The following NDST4 variants were observed in gnomAD, a reference collection of about 807,000 sequenced individuals.
NDST4 encodes N-heparan sulfate sulfotransferase 4.
In NDST4, 63 loss-of-function variants were observed where a neutral mutation model predicts 100.8. The ratio of observed to expected loss-of-function variants is 0.62; its 90% CI spans 0.51 to 0.77. NDST4 has a LOEUF of 0.77. NDST4 is among the 30% of genes least tolerant of loss of function. The probability of loss-of-function intolerance (pLI) is 0.00; values close to 1 mark genes in which losing one functional copy is unlikely to be tolerated. For missense variants in NDST4, 943 were observed against 1,018.4 expected (o/e 0.93, Z 1.01); for synonymous variants, 377 against 361.8 (o/e 1.04, Z -0.48).
intron 2 of NDST4, among the ~76,000 whole-genome samples, chr4:115,000,148 T>C (rs1227804525): frequency 6.6e-6 from 1 of 151,542 alleles, no homozygotes; most frequent in African/African-American, 2.4e-5. Flanking sequence ...GTATATTTTC[T>C]CAACTCAATT....
At chr4:115,093,386 A>G (rs1202762775) in intron 1 of NDST4, among the ~76,000 whole-genome samples, 3 of 151,974 alleles carry the variant, frequency 2.0e-5, no homozygotes, top group Non-Finnish European at 4.4e-5. Context: ...GAGGCAGGAG[A>G]ATGGCGTGAA....
Position 115,049,565 on chromosome 4 carries a change from G to A in NDST4, c.978+26494C>T, listed in dbSNP as rs1040902806. ...CTTTAAATTGAACTAATATGTAATT[G>A]TTTGTTTTCTCTAATATATTTCAGC... On this transcript the variant is annotated intron_variant, in intron 2 of 13. Transcript: ENST00000264363. Among the ~76,000 whole-genome samples the A allele has an allele frequency of 2.1e-4, 32 of 152,118 alleles. 2 individuals are homozygous for A. The highest frequency in any genetic ancestry group is 2.9e-5 in the Non-Finnish European group (2 of 68,010).
intron 10 of NDST4, among the ~76,000 whole-genome samples, chr4:114,844,016 C>CT (rs1475779549): frequency 2.8e-5 from 3 of 107,976 alleles, no homozygotes; most frequent in Non-Finnish European, 5.2e-5. Flanking sequence ...TGCAGCGATT[C>CT]TTTTTTCATG....
chr4:115,077,227 G>A lies in NDST4; in HGVS notation c.-191C>T, dbSNP rs1319293458. The stretch of plus-strand genomic sequence containing the variant: ...AATAGATGGGAAGGATATACGTTGA[G>A]GAGATTTTGAATATGTCCAATACTG... On this transcript the variant is annotated 5_prime_UTR_variant, in exon 2 of 14. Transcript: ENST00000264363. The A allele has an allele frequency of 1.9e-6, 1 of 534,416 alleles. No individual in the cohort carries two copies. The highest frequency in any genetic ancestry group is 3.2e-5 in the East Asian group (1 of 30,914). 33.1% of individuals were successfully genotyped at this position (534,416 alleles called of 1,614,324 possible).
chr4:114,887,667 G>A (rs926948836), intron 6 of NDST4, among the ~76,000 whole-genome samples: 8 of 152,072 alleles, frequency 5.3e-5, no homozygotes, highest in African/African-American at 1.9e-4. Context: ...AAGTAATTTG[G>A]CATTTAAAAT....
intron 6 of NDST4, among the ~76,000 whole-genome samples, chr4:114,931,904 A>G (rs1170319022): frequency 6.6e-6 from 1 of 151,802 alleles, no homozygotes; most frequent in Admixed American, 6.6e-5. Context: ...GATGTATTTT[A>G]TAAAAAAAAA....
At chr4:115,000,962 G>T (rs1192185962) in intron 2 of NDST4, among the ~76,000 whole-genome samples, 1 of 152,088 alleles carries the variant, frequency 6.6e-6, no homozygotes, top group Admixed American at 6.6e-5. Flanking sequence ...ATGGTGGAAA[G>T]GATGCATGAA....
At chr4:115,080,274 T>C (rs1027594422) in intron 1 of NDST4, among the ~76,000 whole-genome samples, 1 of 152,112 alleles carries the variant, frequency 6.6e-6, no homozygotes, top group Non-Finnish European at 1.5e-5. Context: ...GTAGCTGGGA[T>C]TACAGGCACA....
intron 2 of NDST4, 125 bp downstream of exon 2, chr4:115,075,934 G>T (rs1477698236): frequency 8.0e-6 from 9 of 1,130,624 alleles, no homozygotes; most frequent in Non-Finnish European, 1.1e-5. Flanking sequence ...TTTCTAAATG[G>T]CTATCTTATT....
intron 6 of NDST4, among the ~76,000 whole-genome samples, chr4:114,918,855 G>C (rs1257559350): frequency 1.3e-5 from 2 of 152,170 alleles, no homozygotes; most frequent in African/African-American, 4.8e-5. Context: ...TCCTTGGAAA[G>C]CACAATTTCA....
chr4:115,113,468 T>C lies in NDST4; in HGVS notation c.-271A>G, dbSNP rs1279619981. 2.0e-5 allele frequency: 3 copies of C among 152,006 alleles called. No homozygotes were observed. Among genetic ancestry groups the C allele is most frequent in the Admixed American group, 2.0e-4 (3 of 15,226 alleles). 9.4% of individuals were successfully genotyped at this position (152,006 alleles called of 1,614,324 possible). ...CCTAGAGAAGCATTTCAATATTTTGTCTTTTTCTAACTTGAATTTATCCCG... is the reference window on the plus strand; with the variant it reads ...CCTAGAGAAGCATTTCAATATTTTGCCTTTTTCTAACTTGAATTTATCCCG... On this transcript the variant is annotated 5_prime_UTR_variant, in exon 1 of 14. Transcript: ENST00000264363.
At position 114,873,417 on chromosome 4, in the gene NDST4, T is replaced by A. The variant is rs545704527; in HGVS notation, c.1537-2467A>T. Among the ~76,000 whole-genome samples the A allele has an allele frequency of 1.7e-3, 255 of 151,894 alleles. 3 individuals are homozygous for A. The highest frequency in any genetic ancestry group is 7.5e-4 in the Non-Finnish European group (51 of 67,842). ...AGTAAAATTTAAATCATTTAAAAATTTAAATTATTTAAAAATTTTAAATTA... is the reference window on the plus strand; with the variant it reads ...AGTAAAATTTAAATCATTTAAAAATATAAATTATTTAAAAATTTTAAATTA... On this transcript the variant is annotated intron_variant, in intron 6 of 13. Transcript: ENST00000264363.
rs554832623 is a variant in NDST4 at position 115,008,914 on chromosome 4, C to A, written c.979-31640G>T. On this transcript the variant is annotated intron_variant, in intron 2 of 13. Coordinates refer to ENST00000264363, the MANE Select transcript of NDST4 (RefSeq NM_022569.3). ...AACAGACAAACAGAGAGCCAAATCACGAGTGAACTCCTATTCACAATTGCT... is the reference window on the plus strand; with the variant it reads ...AACAGACAAACAGAGAGCCAAATCAAGAGTGAACTCCTATTCACAATTGCT... Among the ~76,000 whole-genome samples the A allele has an allele frequency of 1.1e-4, 14 of 128,016 alleles. 3 individuals carry two copies. Among genetic ancestry groups the A allele is most frequent in the African/African-American group, 4.2e-4 (14 of 33,638 alleles). The allele number at this position is 128,016 out of a possible 152,430, so 84.0% of individuals were successfully genotyped here.
intron 6 of NDST4, among the ~76,000 whole-genome samples, chr4:114,920,921 T>G (rs1725273337): frequency 6.6e-6 from 1 of 152,204 alleles, no homozygotes; most frequent in African/African-American, 2.4e-5. Context: ...TAAATTCATC[T>G]CAGCCCTCTA....
chr4:114,834,990 T>C (rs1723279752), intron 11 of NDST4, among the ~76,000 whole-genome samples: 1 of 152,144 alleles, frequency 6.6e-6, no homozygotes, highest in Admixed American at 6.5e-5. Context: ...TCTATTCGAT[T>C]CTTCTCTCTT....
At chr4:115,045,827 G>T (rs1728453745) in intron 2 of NDST4, among the ~76,000 whole-genome samples, 1 of 152,110 alleles carries the variant, frequency 6.6e-6, no homozygotes, top group Admixed American at 6.6e-5. Context: ...TGATGTGGAA[G>T]AAATATGGGA....
rs116840269 is a variant in NDST4 at position 115,077,202 on chromosome 4, A to G, written c.-166T>C. ...CACAACTGAGTTAAAGCTGGAAGGC[A>G]ATAGATGGGAAGGATATACGTTGAG... On this transcript the variant is annotated 5_prime_UTR_variant, in exon 2 of 14. Coordinates refer to ENST00000264363, the MANE Select transcript of NDST4 (RefSeq NM_022569.3). 1.2e-3 allele frequency: 739 copies of G among 623,018 alleles called. 5 individuals carry two copies. The African/African-American group carries it at 0.012, about 10-fold the overall frequency. The allele number at this position is 623,018 out of a possible 1,614,324, so 38.6% of individuals were successfully genotyped here.
At chr4:115,003,454 T>C (rs1578445048) in intron 2 of NDST4, among the ~76,000 whole-genome samples, 2 of 152,282 alleles carry the variant, frequency 1.3e-5, no homozygotes, top group East Asian at 3.9e-4. Flanking sequence ...TCTATTATTC[T>C]CCAGATTTTA....
chr4:115,019,390 A>G (rs1277374372), intron 2 of NDST4, among the ~76,000 whole-genome samples: 1 of 152,108 alleles, frequency 6.6e-6, no homozygotes, highest in African/African-American at 2.4e-5. Flanking sequence ...TACCCCAAAG[A>G]AAGAAAAGAT....
Sources: gnomAD v4.1 joint callset for allele counts (sites outside exome capture counted in the v4.1 genomes callset) on GRCh38, gnomAD v4.1.1 for gene constraint, MANE v1.5 for transcripts, NCBI Gene and HGNC (gene_info 2026-07-23, HGNC 2026-07-21) for gene names.